The following SDCBP variants were observed in gnomAD, a reference collection of about 807,000 sequenced individuals.
SDCBP encodes syntenin-1.
In SDCBP, 22 loss-of-function variants were observed where a neutral mutation model predicts 30.5. That is an observed-to-expected ratio of 0.72 (90% CI 0.52 to 1.03). The LOEUF (loss-of-function observed/expected upper bound fraction) is 1.03. SDCBP is among the 50% of genes least tolerant of loss of function. SDCBP has a pLI of 0.00. For missense variants in SDCBP, 304 were observed against 369.9 expected (o/e 0.82, Z 1.46); for synonymous variants, 103 against 118.7 (o/e 0.87, Z 0.86).
At chr8:58,555,897 A>G (rs970450779) in intron 1 of SDCBP, among the ~76,000 whole-genome samples, 11 of 151,740 alleles carry the variant, frequency 7.2e-5, no homozygotes, top group African/African-American at 2.7e-4. Flanking sequence ...TATTTTTTAC[A>G]TTTTTCATTC....
intron 8 of SDCBP, among the ~76,000 whole-genome samples, chr8:58,580,999 T>C (rs571986847): frequency 6.6e-6 from 1 of 152,176 alleles, no homozygotes; most frequent in African/African-American, 2.4e-5. Flanking sequence ...TAAGAGTAAG[T>C]TTCCCTTCTC....
chr8:58,558,987 A>G (rs2129607336), intron 1 of SDCBP, among the ~76,000 whole-genome samples: 1 of 152,356 alleles, frequency 6.6e-6, no homozygotes, highest in East Asian at 1.9e-4. Flanking sequence ...TGTGATTTAA[A>G]AAACAGTGAG....
chr8:58,578,308 G>A, intron 6 of SDCBP, 100 bp downstream of exon 6: 1 of 878,894 alleles, frequency 1.1e-6, no homozygotes, highest in Admixed American at 3.1e-5. Flanking sequence ...TGCAGAAAAT[G>A]ATCAAATGTT....
intron 1 of SDCBP, among the ~76,000 whole-genome samples, chr8:58,554,323 A>C (rs995877515): frequency 1.3e-5 from 2 of 152,228 alleles, no homozygotes; most frequent in Non-Finnish European, 2.9e-5. Flanking sequence ...GTATGTGATT[A>C]GTTAAAACTC....
intron 2 of SDCBP, among the ~76,000 whole-genome samples, chr8:58,567,818 C>T (rs1429711649): frequency 6.6e-6 from 1 of 152,116 alleles, no homozygotes; most frequent in Non-Finnish European, 1.5e-5. Context: ...GTACTGAATA[C>T]TGTAGGCAAT....
Position 58,578,024 on chromosome 8 carries a change from A to G in SDCBP, c.403-9A>G. ...GGTAAATGACAAAAATTATTTTCTT[A>G]TTATCTAGGGTATATTTGTTCAGCT... is the stretch of plus-strand genomic sequence containing the variant. On this transcript the variant is annotated splice_polypyrimidine_tract_variant and intron_variant, in intron 5 of 8. Transcript: ENST00000260130. 1 of 1,606,836 alleles carries G rather than the reference A, an allele frequency of 6.2e-7. No homozygotes were observed. The highest frequency in any genetic ancestry group is 8.5e-7 in the Non-Finnish European group (1 of 1,174,616).
At chr8:58,557,623 G>A (rs1804219913) in intron 1 of SDCBP, among the ~76,000 whole-genome samples, 1 of 151,722 alleles carries the variant, frequency 6.6e-6, no homozygotes, top group African/African-American at 2.4e-5. Context: ...GATACATTGG[G>A]TGTAGGGGCC....
chr8:58,572,382 C>A, intron 4 of SDCBP, 68 bp downstream of exon 4: 1 of 1,065,240 alleles, frequency 9.4e-7, no homozygotes, highest in Non-Finnish European at 1.4e-6. Flanking sequence ...AAGCTTTCCT[C>A]TTTGTGGCTA....
Position 58,575,885 on chromosome 8 carries a change from A to T in SDCBP, c.241-15A>T, listed in dbSNP as rs1361098688. The T allele has an allele frequency of 6.2e-7, 1 of 1,601,580 alleles. No homozygotes were observed. ...GTGTTTCTAGATATTGACACATTGT[A>T]TATGGTTTTGTCAGCAGTTGGTAGC... On this transcript the variant is annotated splice_polypyrimidine_tract_variant and intron_variant, in intron 4 of 8. Coordinates refer to ENST00000260130, the MANE Select transcript of SDCBP (RefSeq NM_005625.4).
intron 2 of SDCBP, chr8:58,570,656 T>C (rs932539579): frequency 1.7e-5 from 7 of 424,238 alleles, no homozygotes; most frequent in Non-Finnish European, 3.0e-5. Flanking sequence ...AGAATGGTAC[T>C]TCTACAATTT....
intron 2 of SDCBP, among the ~76,000 whole-genome samples, chr8:58,569,042 G>T (rs1442162715): frequency 6.6e-6 from 1 of 151,906 alleles, no homozygotes; most frequent in Non-Finnish European, 1.5e-5. Context: ...AGTTTAAAAA[G>T]AAAATTTTTT....
At position 58,562,229 on chromosome 8, in the gene SDCBP, T is replaced by C. The variant is rs563504667; in HGVS notation, c.-15-2790T>C. Among the ~76,000 whole-genome samples the C allele has an allele frequency of 2.6e-5, 4 of 152,002 alleles. No homozygotes were observed. In the East Asian group the frequency reaches 7.7e-4, roughly 29 times the overall value. On this transcript the variant is annotated intron_variant, in intron 1 of 8. Transcript: ENST00000260130. ...TACTAAACTCTCCAATCAAAAGACATAGAGGGGATGAATGGATTAAAAAAA... is the reference window on the plus strand; with the variant it reads ...TACTAAACTCTCCAATCAAAAGACACAGAGGGGATGAATGGATTAAAAAAA...
intron 4 of SDCBP, among the ~76,000 whole-genome samples, chr8:58,572,847 C>G (rs911482947): frequency 7.5e-6 from 1 of 132,790 alleles, no homozygotes; most frequent in Non-Finnish European, 1.5e-5. Flanking sequence ...CACTTTGTCA[C>G]CCAGGCTGGA....
chr8:58,570,974 A>G lies in SDCBP; in HGVS notation c.130+9A>G. On this transcript the variant is annotated intron_variant, in intron 3 of 8. Coordinates refer to ENST00000260130, the MANE Select transcript of SDCBP (RefSeq NM_005625.4). ...TATCCCTCACGATGGAAGTAGGTTT[A>G]TACTTTGAGTTCATTCTCTGTGAAC... The G allele has an allele frequency of 6.3e-7, 1 of 1,582,094 alleles. No individual in the cohort carries two copies. Among genetic ancestry groups the G allele is most frequent in the Non-Finnish European group, 8.7e-7 (1 of 1,151,578 alleles).
chr8:58,561,711 A>T (rs1280569978), intron 1 of SDCBP: 1 of 665,548 alleles, frequency 1.5e-6, no homozygotes, highest in East Asian at 2.7e-5. Context: ...TGTTAAATGG[A>T]AACAAAAGTA....
chr8:58,576,219 T>C (rs1585706721), intron 5 of SDCBP, 158 bp downstream of exon 5: 2 of 623,230 alleles, frequency 3.2e-6, no homozygotes, highest in East Asian at 5.7e-5. Context: ...CAATTGGGGA[T>C]GTTCTATTTT....
At chr8:58,567,272 C>G (rs749038225) in intron 2 of SDCBP, among the ~76,000 whole-genome samples, 1 of 152,164 alleles carries the variant, frequency 6.6e-6, no homozygotes, top group Admixed American at 6.5e-5. Context: ...TTGCAGGGAG[C>G]TTTCTATATG....
At chr8:58,565,263 T>A (rs1585687787) in intron 2 of SDCBP, among the ~76,000 whole-genome samples, 179 bp downstream of exon 2, 1 of 152,142 alleles carries the variant, frequency 6.6e-6, no homozygotes, top group South Asian at 2.1e-4. Flanking sequence ...AGCAATTTTT[T>A]TTTTCATTTC....
intron 1 of SDCBP, chr8:58,561,328 A>G (rs1172268214): frequency 1.3e-5 from 2 of 154,060 alleles, no homozygotes; most frequent in African/African-American, 4.8e-5. Context: ...AATACTGGCC[A>G]AAACTTCCCA....
Sources: gnomAD v4.1 joint callset for allele counts (sites outside exome capture counted in the v4.1 genomes callset) on GRCh38, gnomAD v4.1.1 for gene constraint, MANE v1.5 for transcripts, NCBI Gene and HGNC (gene_info 2026-07-23, HGNC 2026-07-21) for gene names.